The following TAF3 variants were observed in gnomAD, a reference collection of about 807,000 sequenced individuals.
The protein encoded by TAF3 is transcription initiation factor TFIID subunit 3.
TAF3 carries 7 observed loss-of-function variants against 80.6 expected under a neutral mutation model. The observed-to-expected ratio is 0.09, with a 90% CI of 0.05 to 0.16. TAF3 has a LOEUF of 0.16. TAF3 is among the 10% of genes least tolerant of loss of function. The pLI, the probability that TAF3 is intolerant of heterozygous loss-of-function variation, is 1.00. For synonymous variants in TAF3, 444 were observed against 446.1 expected, an observed-to-expected ratio of 1.00 and a Z score of 0.06; for missense variants, 921 against 1,140.2, an observed-to-expected ratio of 0.81 and a Z score of 2.77.
chr10:7,838,607 C>CAAACTT (rs1564344376), intron 2 of TAF3, among the ~76,000 whole-genome samples: 1 of 152,110 alleles, frequency 6.6e-6, no homozygotes, highest in Non-Finnish European at 1.5e-5. Context: ...GTCTCAAACT[C>CAAACTT]CTGACCTCAG....
At chr10:8,006,055 C>T (rs1831988212) in intron 4 of TAF3, among the ~76,000 whole-genome samples, 1 of 152,152 alleles carries the variant, frequency 6.6e-6, no homozygotes, top group Non-Finnish European at 1.5e-5. Context: ...CAAGGCCGGG[C>T]ACCGTGGCTT....
intron 4 of TAF3, among the ~76,000 whole-genome samples, chr10:8,007,379 G>C (rs1022070506): frequency 2.0e-5 from 3 of 151,286 alleles, no homozygotes; most frequent in Non-Finnish European, 4.4e-5. Context: ...TACAAAGGCA[G>C]GAAAGGTACA....
At chr10:8,010,782 T>C (rs1003561906) in intron 5 of TAF3, among the ~76,000 whole-genome samples, 18 of 152,228 alleles carry the variant, frequency 1.2e-4, no homozygotes, top group Admixed American at 1.1e-3. Flanking sequence ...TGGTGGCACG[T>C]GCCTGTAATC....
chr10:7,962,296 C>G (rs533354942), intron 2 of TAF3, among the ~76,000 whole-genome samples: 8 of 152,292 alleles, frequency 5.3e-5, no homozygotes, highest in Admixed American at 1.3e-4. Context: ...CTGACCCTTA[C>G]TGCCTCTCAC....
At chr10:7,894,157 G>A (rs1837483840) in intron 2 of TAF3, among the ~76,000 whole-genome samples, 1 of 152,172 alleles carries the variant, frequency 6.6e-6, no homozygotes, top group Admixed American at 6.6e-5. Context: ...GCAGGGGTTT[G>A]TAATCCAAAG....
chr10:7,914,932 C>CTTT (rs869094036), intron 2 of TAF3, among the ~76,000 whole-genome samples: 2 of 84,968 alleles, frequency 2.4e-5, no homozygotes, highest in African/African-American at 5.5e-5. Context: ...TGCTCCCAGC[C>CTTT]TTTTTTTTTT....
intron 4 of TAF3, among the ~76,000 whole-genome samples, chr10:7,990,241 G>C (rs573354080): frequency 1.2e-3 from 187 of 152,244 alleles, no homozygotes; most frequent in African/African-American, 4.3e-3. Flanking sequence ...ATGCCATTAG[G>C]GTTATTTGTT....
At chr10:7,944,524 T>A (rs1838006457) in intron 2 of TAF3, among the ~76,000 whole-genome samples, 1 of 152,190 alleles carries the variant, frequency 6.6e-6, no homozygotes, top group East Asian at 1.9e-4. Flanking sequence ...TTTGCAACGT[T>A]AAAGGACATA....
intron 4 of TAF3, among the ~76,000 whole-genome samples, chr10:7,983,947 C>T (rs1234147983): frequency 6.6e-6 from 1 of 152,154 alleles, no homozygotes; most frequent in Non-Finnish European, 1.5e-5. Flanking sequence ...TGACATTTAA[C>T]ATTTTTAAAT....
At chr10:7,963,897 C>T (rs1338238923) in intron 2 of TAF3, 23 bp from the exon 3 acceptor site, 26 of 1,497,826 alleles carry the variant, frequency 1.7e-5, no homozygotes, top group Admixed American at 4.7e-5. Flanking sequence ...TTATTTTTTT[C>T]TTCCTTTTTC....
rs1301751410 is a variant in TAF3, at chr10:8,009,865, C to T, written c.2568+535C>T. Among the ~76,000 whole-genome samples the T allele has an allele frequency of 6.6e-6, 1 of 152,076 alleles. No homozygotes were observed. Among genetic ancestry groups the T allele is most frequent in the African/African-American group, 2.4e-5 (1 of 41,412 alleles). On this transcript the variant is annotated intron_variant, in intron 5 of 6. Coordinates refer to ENST00000344293, the MANE Select transcript of TAF3 (RefSeq NM_031923.4). The surrounding 1 kb of genome is among the most constrained non-coding windows in gnomAD (Gnocchi z 4.1). ...CAAACTCCTGACCTAAGGTGATCCACCCGCCTCGGCCTCCCAAAGTGTGGG... is the reference window on the plus strand; with the variant it reads ...CAAACTCCTGACCTAAGGTGATCCATCCGCCTCGGCCTCCCAAAGTGTGGG...
At chr10:7,877,041 T>C (rs1296543418) in intron 2 of TAF3, among the ~76,000 whole-genome samples, 1 of 151,964 alleles carries the variant, frequency 6.6e-6, no homozygotes, top group Non-Finnish European at 1.5e-5. Flanking sequence ...TTTTTTTTTT[T>C]CCTAATGGAG....
Position 7,824,427 on chromosome 10 carries a change from C to T in TAF3, c.276C>T (p.Phe92=), listed in dbSNP as rs1836721609. 6.2e-7 allele frequency: 1 copy of T among 1,614,024 alleles called. No homozygotes were observed. The highest frequency in any genetic ancestry group is 1.3e-5 in the African/African-American group (1 of 74,920). Residue 92 remains phenylalanine (F), a synonymous_variant, in exon 2 of 7, where the codon TTC becomes TTT. Coordinates refer to ENST00000344293, the MANE Select transcript of TAF3 (RefSeq NM_031923.4). ...DYIHNIEPVT[F]PHQIPSFPVS... ...TTCACAACATTGAGCCTGTCACCTT[C>T]CCACACCAAATTCCGTCATTTCCTG... is the stretch of plus-strand genomic sequence containing the variant.
chr10:7,863,766 C>CACATATATATATACACATATAT (rs1837180871), intron 2 of TAF3, among the ~76,000 whole-genome samples: 1 of 110,858 alleles, frequency 9.0e-6, no homozygotes, highest in African/African-American at 4.0e-5. Flanking sequence ...TATATACACA[C>CACATATATATATACACATATAT]ATGGCACATG....
In TAF3 at chr10:8,009,019, C is replaced by G. The variant is rs1000967261; in HGVS notation, c.2316-59C>G. ...TATTTTACGATCATGTTTTTAAGCA[C>G]GGGTTTGGTTCGATGATGATCCTGT... On this transcript the variant is annotated intron_variant, in intron 4 of 6. Coordinates refer to ENST00000344293, the MANE Select transcript of TAF3 (RefSeq NM_031923.4). This position sits in a 1 kb window ranked among gnomAD's most constrained non-coding sequence, Gnocchi z 4.1. 1 of 1,550,100 alleles carries G rather than the reference C, an allele frequency of 6.5e-7. No individual in the cohort carries two copies. The highest frequency in any genetic ancestry group is 8.7e-7 in the Non-Finnish European group (1 of 1,145,152).
intron 2 of TAF3, among the ~76,000 whole-genome samples, chr10:7,843,307 C>T (rs1241212068): frequency 2.0e-5 from 3 of 151,082 alleles, no homozygotes; most frequent in African/African-American, 7.3e-5. Flanking sequence ...TGGGCTCTTG[C>T]TGTGTTGCCT....
intron 2 of TAF3, among the ~76,000 whole-genome samples, chr10:7,882,277 C>T (rs749484666): frequency 3.9e-5 from 6 of 152,270 alleles, no homozygotes; most frequent in South Asian, 2.1e-4. Context: ...GTCAATCTAA[C>T]GTGTATTCCT....
At chr10:7,946,911 C>A (rs375083336) in intron 2 of TAF3, among the ~76,000 whole-genome samples, 1 of 152,030 alleles carries the variant, frequency 6.6e-6, no homozygotes, top group Non-Finnish European at 1.5e-5. Flanking sequence ...TAAAACTTTT[C>A]TTTTTTTAAA....
chr10:7,912,233 GA>G (rs1158500662), intron 2 of TAF3, among the ~76,000 whole-genome samples: 1 of 152,064 alleles, frequency 6.6e-6, no homozygotes, highest in African/African-American at 2.4e-5. Flanking sequence ...ACAAGTAGGA[GA>G]AAAAAATTGT....
Sources: gnomAD v4.1 joint callset for allele counts (sites outside exome capture counted in the v4.1 genomes callset) on GRCh38, gnomAD v4.1.1 for gene constraint, Gnocchi (gnomAD v3.1) non-coding constraint, MANE v1.5 for transcripts, NCBI Gene and HGNC (gene_info 2026-07-23, HGNC 2026-07-21) for gene names.